Variants in TRPV1 observed in about 807,000 individuals in gnomAD.
TRPV1 encodes transient receptor potential cation channel subfamily V member 1.
Under a neutral mutation model 82.3 loss-of-function variants are expected in TRPV1, and 82 were observed. The observed-to-expected ratio is 1.00, with a 90% confidence interval of 0.83 to 1.20. The LOEUF is 1.20. TRPV1 is among the 50% of genes most tolerant of loss of function. TRPV1 has a pLI of 0.00. For synonymous variants in TRPV1, 515 were observed against 467.7 expected (o/e 1.10, Z -1.30); for missense variants, 1,067 against 1,096.8 (o/e 0.97, Z 0.38).
At chr17:3,570,478 C>A (rs571034248) in intron 16 of TRPV1, among the ~76,000 whole-genome samples, 2 of 152,004 alleles carry the variant, frequency 1.3e-5, no homozygotes, top group Non-Finnish European at 1.5e-5. Context: ...ATTTAAATGG[C>A]AAGTTTTAGG....
intron 10 of TRPV1, among the ~76,000 whole-genome samples, chr17:3,582,032 T>C (rs1410105065): frequency 1.6e-4 from 23 of 141,288 alleles, no homozygotes; most frequent in Non-Finnish European, 2.9e-4. Flanking sequence ...CTACTAAAAA[T>C]ACAAAAAATT....
intron 2 of TRPV1, among the ~76,000 whole-genome samples, chr17:3,605,272 G>C (rs1351741501): frequency 2.6e-5 from 4 of 152,114 alleles, no homozygotes; most frequent in African/African-American, 9.7e-5. Context: ...ACTTTCCGAG[G>C]CCGAGGTGGG....
At chr17:3,603,580 G>A (rs540316423) in intron 2 of TRPV1, among the ~76,000 whole-genome samples, 1 of 152,302 alleles carries the variant, frequency 6.6e-6, no homozygotes, top group African/African-American at 2.4e-5. Flanking sequence ...AGTCAGGATA[G>A]TGGGTGTGAA....
At chr17:3,581,761 T>C (rs1362338071) in intron 10 of TRPV1, among the ~76,000 whole-genome samples, 22 of 79,428 alleles carry the variant, frequency 2.8e-4, no homozygotes, top group African/African-American at 6.2e-4. Flanking sequence ...GGCACGCACC[T>C]GTAGTCCCAG....
chr17:3,592,764 G>C, intron 2 of TRPV1: 5 of 169,114 alleles, frequency 3.0e-5, no homozygotes, highest in Admixed American at 5.6e-5. Context: ...ACAGAACAAG[G>C]AAAACGGCCG....
At chr17:3,594,200 A>G (rs976278483) in intron 2 of TRPV1, among the ~76,000 whole-genome samples, 1 of 151,656 alleles carries the variant, frequency 6.6e-6, no homozygotes, top group African/African-American at 2.4e-5. Flanking sequence ...TGGGGAAATA[A>G]GAGCAATCAG....
chr17:3,591,892 C>T (rs896720636), intron 3 of TRPV1, among the ~76,000 whole-genome samples, 175 bp downstream of exon 3: 2 of 152,184 alleles, frequency 1.3e-5, no homozygotes, highest in Admixed American at 6.5e-5. Context: ...GACACCAGCC[C>T]CCGTGACTGC....
At chr17:3,571,179 G>A (rs1259862023) in intron 16 of TRPV1, among the ~76,000 whole-genome samples, 1 of 152,238 alleles carries the variant, frequency 6.6e-6, no homozygotes, top group Middle Eastern at 3.2e-3. Flanking sequence ...TGCAGAGTGA[G>A]GAACAGGGCT....
At chr17:3,584,548 G>A (rs1288393981) in intron 9 of TRPV1, among the ~76,000 whole-genome samples, 1 of 152,052 alleles carries the variant, frequency 6.6e-6, no homozygotes, top group Non-Finnish European at 1.5e-5. Context: ...TGTAATCCAA[G>A]CACTTTGGGA....
chr17:3,598,521 C>T (rs1033077017), intron 2 of TRPV1, among the ~76,000 whole-genome samples: 4 of 151,314 alleles, frequency 2.6e-5, no homozygotes, highest in African/African-American at 9.7e-5. Context: ...AAGCCAGGCC[C>T]ATCCCACCAC....
At chr17:3,608,268 T>C (rs376852545) in intron 2 of TRPV1, 159 bp downstream of exon 2, 17 of 151,920 alleles carry the variant, frequency 1.1e-4, no homozygotes, top group East Asian at 7.7e-4. Flanking sequence ...CTTTAGAATT[T>C]CACAGATAGA....
intron 2 of TRPV1, among the ~76,000 whole-genome samples, chr17:3,602,842 C>A (rs1367908718): frequency 6.6e-6 from 1 of 152,242 alleles, no homozygotes; most frequent in East Asian, 1.9e-4. Context: ...CGAGCCCCAG[C>A]CGGCCTCAGT....
chr17:3,591,075 T>G lies in TRPV1; in HGVS notation c.493A>C (p.Asn165His). The change falls in exon 5 of 17, where the codon AAC (asparagine) becomes CAC (histidine). Residue 165 changes from asparagine (N) to histidine (H), a missense_variant. Physicochemically the swap from Asn to His is moderately conservative, Grantham distance 68 (BLOSUM62 1). Transcript: ENST00000572705. ...GTGGTGTTCTGTCCGTCGTGCAGGT[T>G]GAGCATGGCTTTCAGCAGACAGGTC... Reference protein sequence around the residue: ...GKTCLLKAMLNLHDGQNTTIP... With the variant: ...GKTCLLKAMLHLHDGQNTTIP... 6.2e-7 allele frequency: 1 copy of G among 1,613,236 alleles called. No homozygotes were observed. The highest frequency in any genetic ancestry group is 8.5e-7 in the Non-Finnish European group (1 of 1,179,638).
intron 2 of TRPV1, 85 bp from the exon 3 acceptor site, chr17:3,592,468 C>G: frequency 1.5e-6 from 2 of 1,348,276 alleles, no homozygotes; most frequent in Non-Finnish European, 9.9e-7. Flanking sequence ...GCCAAGGGCC[C>G]TGTGAAGCAG....
At chr17:3,590,442 G>A in intron 5 of TRPV1, 50 bp from the exon 6 acceptor site, 14 of 1,596,316 alleles carry the variant, frequency 8.8e-6, no homozygotes, top group South Asian at 3.3e-5. Context: ...CTGTGGGGCT[G>A]CCGGGACAGG....
At position 3,599,632 on chromosome 17, in the gene TRPV1, C is replaced by CTTTTT. The variant is rs34701684; in HGVS notation, c.-33-7254_-33-7250dup. ...TAAGAGAATTTCCTTTTTTTCTTTT[C>CTTTTT]TTTTTTTTTTTTTCGAGATGAAGTC... On this transcript the variant is annotated intron_variant, in intron 2 of 16. Transcript: ENST00000572705. Among the ~76,000 whole-genome samples, 979 of 141,546 alleles carry CTTTTT rather than the reference C, an allele frequency of 6.9e-3. 20 individuals are homozygous for CTTTTT. Among genetic ancestry groups the CTTTTT allele is most frequent in the African/African-American group, 0.024 (899 of 37,486 alleles). 92.9% of individuals were successfully genotyped at this position (141,546 alleles called of 152,430 possible).
Position 3,592,074 on chromosome 17 carries a change from C to T in TRPV1, c.277G>A (p.Gly93Ser), listed in dbSNP as rs367865095. 2.4e-5 allele frequency: 38 copies of T among 1,610,876 alleles called. No homozygotes were observed. The highest frequency in any genetic ancestry group is 1.7e-4 in the Middle Eastern group (1 of 5,974). Reference sequence around the variant, plus strand: ...CTCCAGACGCGGACTTACCTGGCACCGGTGGGGCCGTCTCCTGGCCTCTGG... The same window carrying T: ...CTCCAGACGCGGACTTACCTGGCACTGGTGGGGCCGTCTCCTGGCCTCTGG... ...TIQRPGDGPT[G>S]ARLLSQDSVA... The change falls in exon 3 of 17, where the codon GGT (glycine) becomes AGT (serine). Residue 93 changes from glycine to serine, a missense_variant. By Grantham distance (56) the Gly-to-Ser change is moderately conservative (BLOSUM62 0). Coordinates refer to ENST00000572705, the MANE Select transcript of TRPV1 (RefSeq NM_080704.4).
intron 16 of TRPV1, among the ~76,000 whole-genome samples, chr17:3,567,591 G>A (rs1032179791): frequency 6.6e-6 from 1 of 150,886 alleles, no homozygotes; most frequent in Non-Finnish European, 1.5e-5. Context: ...TGCCCCTCTC[G>A]GCCTCCATCT....
intron 8 of TRPV1, among the ~76,000 whole-genome samples, chr17:3,586,209 C>G (rs2075083363): frequency 3.9e-5 from 6 of 152,190 alleles, no homozygotes; most frequent in Admixed American, 3.3e-4. Flanking sequence ...AATGGCCCAC[C>G]GCACTGCCCG....
Sources: allele counts gnomAD v4.1 joint callset (sites outside exome capture counted in the v4.1 genomes callset), GRCh38; gene constraint gnomAD v4.1.1; transcripts MANE v1.5; gene names NCBI Gene and HGNC (gene_info 2026-07-23, HGNC 2026-07-21).